MAP4K3: variants seen among roughly 807,000 people sequenced by gnomAD.
The protein encoded by MAP4K3 is MAPK/ERK kinase kinase kinase 3.
A neutral mutation model predicts 143.5 loss-of-function variants in MAP4K3; 94 were observed. The observed-to-expected ratio is 0.65, with a 90% CI of 0.55 to 0.78. The LOEUF (loss-of-function observed/expected upper bound fraction) is 0.78, where lower values mean the gene tolerates loss of function less well. Among genes scored for constraint, MAP4K3 ranks in the 30% least tolerant of loss-of-function variants. The pLI is 0.00. For missense variants in MAP4K3, 1,077 were observed against 1,068.1 expected (o/e 1.01, Z -0.12); for synonymous variants, 416 against 347.2 (o/e 1.20, Z -2.20).
At chr2:39,410,608 A>G (rs1024511811) in intron 1 of MAP4K3, among the ~76,000 whole-genome samples, 1 of 152,192 alleles carries the variant, frequency 6.6e-6, no homozygotes, top group African/African-American at 2.4e-5. Flanking sequence ...TCTTCCACAG[A>G]CAAATGGTAA....
At chr2:39,403,997 T>C (rs1037956178) in intron 1 of MAP4K3, among the ~76,000 whole-genome samples, 2 of 151,762 alleles carry the variant, frequency 1.3e-5, no homozygotes, top group African/African-American at 4.8e-5. Flanking sequence ...ACCAGCTGCC[T>C]TGAAGGGAAG....
chr2:39,263,429 C>T (rs559509331), intron 28 of MAP4K3, among the ~76,000 whole-genome samples: 641 of 121,606 alleles, frequency 5.3e-3, no homozygotes, highest in Middle Eastern at 7.9e-3. Flanking sequence ...CCCACCATCA[C>T]GCCCGGCTAT....
At chr2:39,412,999 A>G (rs1435079956) in intron 1 of MAP4K3, among the ~76,000 whole-genome samples, 3 of 152,232 alleles carry the variant, frequency 2.0e-5, no homozygotes, top group Non-Finnish European at 4.4e-5. Flanking sequence ...CTAATTGTCT[A>G]TTACATGCAA....
chr2:39,328,197 G>T (rs1683555190), intron 8 of MAP4K3, among the ~76,000 whole-genome samples: 1 of 152,110 alleles, frequency 6.6e-6, no homozygotes, highest in African/African-American at 2.4e-5. Flanking sequence ...TGGGCATGGT[G>T]GCGCATGCCT....
intron 8 of MAP4K3, 101 bp from the exon 9 acceptor site, chr2:39,326,378 T>A: frequency 7.7e-7 from 1 of 1,296,628 alleles, no homozygotes; most frequent in Non-Finnish European, 1.1e-6. Context: ...AATTAAGGCC[T>A]CTTTAGGCCT....
Position 39,287,024 on chromosome 2 carries a change from G to A in MAP4K3, c.1475-60C>T. On this transcript the variant is annotated intron_variant, in intron 20 of 33. Transcript: ENST00000263881. ...CTTCATGAAAACTTTTATTCAGAAA[G>A]TTATCAAGTAGGAAAGAAAAAATAT... 8.6e-6 allele frequency: 9 copies of A among 1,048,926 alleles called. 1 individual carries two copies. In the South Asian group the frequency reaches 9.4e-5, roughly 11 times the overall value. 65.0% of individuals were successfully genotyped at this position (1,048,926 alleles called of 1,614,324 possible).
chr2:39,268,370 G>T (rs1207354509), intron 26 of MAP4K3, among the ~76,000 whole-genome samples: 1 of 152,000 alleles, frequency 6.6e-6, no homozygotes, highest in African/African-American at 2.4e-5. Flanking sequence ...GCCCAGGCTG[G>T]AGTGCAAGGG....
At position 39,436,682 on chromosome 2, in the gene MAP4K3, G is replaced by A. The variant is rs535059332; in HGVS notation, c.96+210C>T. On this transcript the variant is annotated intron_variant, in intron 1 of 33. Transcript: ENST00000263881. ...TGGCAAAAATCATGTCCACCGGGGG[G>A]GCTCAGGTAAGGGCTGGGGAGGTCT... The A allele has an allele frequency of 5.3e-6, 3 of 565,104 alleles. No homozygotes were observed. The South Asian group carries it at 6.2e-5, about 12-fold the overall frequency. The allele number at this position is 565,104 out of a possible 1,614,324, so 35.0% of individuals were successfully genotyped here. A position where few individuals can be genotyped will look rare whatever the true frequency, so the allele number is the denominator to read the frequency against.
At chr2:39,380,274 C>T (rs1270832963) in intron 1 of MAP4K3, among the ~76,000 whole-genome samples, 9 of 152,014 alleles carry the variant, frequency 5.9e-5, no homozygotes, top group Admixed American at 5.9e-4. Context: ...CACTTCTAAG[C>T]CTTTCCTTAG....
chr2:39,420,681 G>A (rs994485416), intron 1 of MAP4K3, among the ~76,000 whole-genome samples: 1 of 151,866 alleles, frequency 6.6e-6, no homozygotes, highest in Admixed American at 6.6e-5. Context: ...CTGAAGTGTT[G>A]GAATTACAAG....
At chr2:39,369,193 G>GTTTTTTTGTTTGTTTTTTTTTTTTT (rs747293878) in intron 2 of MAP4K3, among the ~76,000 whole-genome samples, 7 of 37,960 alleles carry the variant, frequency 1.8e-4, no homozygotes, top group African/African-American at 2.3e-4. Flanking sequence ...CTTTGGGCTA[G>GTTTTTTTGTTTGTTTTTTTTTTTTT]TTTTTTTTTT....
intron 2 of MAP4K3, among the ~76,000 whole-genome samples, chr2:39,368,414 C>A (rs560282975): frequency 3.3e-4 from 50 of 152,182 alleles, no homozygotes; most frequent in African/African-American, 1.1e-3. Flanking sequence ...TGTTTGTAAT[C>A]TCAGAACATT....
intron 4 of MAP4K3, among the ~76,000 whole-genome samples, chr2:39,342,372 T>C (rs1267974491): frequency 1.3e-5 from 2 of 152,040 alleles, no homozygotes; most frequent in Non-Finnish European, 2.9e-5. Flanking sequence ...TCAGGTGATC[T>C]GCCCGCCTCA....
chr2:39,369,014 T>TG (rs1666000928), intron 2 of MAP4K3, among the ~76,000 whole-genome samples: 2 of 152,116 alleles, frequency 1.3e-5, no homozygotes, highest in Admixed American at 1.3e-4. Flanking sequence ...TCCTTCCCTC[T>TG]GCACATAACT....
At chr2:39,400,060 A>G (rs930200930) in intron 1 of MAP4K3, among the ~76,000 whole-genome samples, 3 of 152,176 alleles carry the variant, frequency 2.0e-5, no homozygotes, top group African/African-American at 7.2e-5. Flanking sequence ...ACCGACATCC[A>G]TGTACCTCAA....
rs143580691 is a variant in MAP4K3, at chr2:39,258,371, A to T, written c.2447T>A (p.Phe816Tyr). ...SSRKLSSELT[F>Y]DFQIESIVCL... ...ACCTATTGATTCAATCTGGAAATCA[A>T]AGGTGAGTTCTGATGACAATTTCCT... The change falls in exon 31 of 34, where the codon TTT becomes TAT. Residue 816 changes from phenylalanine (F) to tyrosine (Y), a missense_variant. This residue lies in a region of MAP4K3 where 864 missense variants were observed against 801.2 expected (regional missense o/e 1.08). Coordinates refer to ENST00000263881, the MANE Select transcript of MAP4K3 (RefSeq NM_003618.4). 6.2e-7 allele frequency: 1 copy of T among 1,606,830 alleles called. No individual in the cohort carries two copies. Among genetic ancestry groups the T allele is most frequent in the East Asian group, 2.2e-5 (1 of 44,774 alleles).
intron 13 of MAP4K3, among the ~76,000 whole-genome samples, chr2:39,310,944 G>A (rs1307908635): frequency 1.3e-5 from 2 of 152,114 alleles, no homozygotes; most frequent in Admixed American, 6.5e-5. Context: ...AGTCTTAACC[G>A]CTAAAGCTTA....
intron 3 of MAP4K3, among the ~76,000 whole-genome samples, chr2:39,345,835 T>A (rs573172151): frequency 7.1e-6 from 1 of 140,500 alleles, no homozygotes; most frequent in African/African-American, 2.7e-5. Flanking sequence ...GGCAGGAGAA[T>A]GGCATGAACC....
chr2:39,307,219 C>T lies in MAP4K3; in HGVS notation c.1119+724G>A, dbSNP rs548112561. Among the ~76,000 whole-genome samples, 6 of 152,178 alleles carry T rather than the reference C, an allele frequency of 3.9e-5. No individual in the cohort carries two copies. The South Asian group carries it at 1.2e-3, about 32-fold the overall frequency. On this transcript the variant is annotated intron_variant, in intron 15 of 33. Transcript: ENST00000263881. ...GAGTAAATATGGGGGTAACTTGGGGCTCTCGCCAACCACAGTAGCAGAAAG... is the reference window on the plus strand; with the variant it reads ...GAGTAAATATGGGGGTAACTTGGGGTTCTCGCCAACCACAGTAGCAGAAAG...
Sources: gnomAD v4.1 joint callset for allele counts (sites outside exome capture counted in the v4.1 genomes callset) on GRCh38, gnomAD v4.1.1 for gene constraint, gnomAD v4.1.1 regional missense constraint, MANE v1.5 for transcripts, NCBI Gene and HGNC (gene_info 2026-07-23, HGNC 2026-07-21) for gene names.